Variants in PTPRD observed in about 807,000 individuals in gnomAD.
The protein encoded by PTPRD is protein tyrosine phosphatase receptor type D, also known as receptor-type tyrosine-protein phosphatase delta.
Under a neutral mutation model 214.5 loss-of-function variants are expected in PTPRD, and 34 were observed. The observed-to-expected ratio is 0.16, with a 90% confidence interval of 0.12 to 0.21. The LOEUF (loss-of-function observed/expected upper bound fraction) is 0.21, where lower values mean the gene tolerates loss of function less well. PTPRD is among the 10% of genes least tolerant of loss of function. The pLI is 1.00. For synonymous variants in PTPRD, 1,128 were observed against 845.7 expected (o/e 1.33, Z -5.79); for missense variants, 2,545 against 2,398.7 (o/e 1.06, Z -1.27).
chr9:8,638,122 A>C (rs201943765), intron 12 of PTPRD, among the ~76,000 whole-genome samples: 1 of 109,224 alleles, frequency 9.2e-6, no homozygotes, highest in Non-Finnish European at 1.8e-5. Context: ...TTTTTTTTTT[A>C]ATTTCTAATC....
intron 10 of PTPRD, among the ~76,000 whole-genome samples, chr9:9,086,782 T>C (rs2099767664): frequency 6.6e-6 from 1 of 152,088 alleles, no homozygotes; most frequent in South Asian, 2.1e-4. Context: ...TTTTTTAAAA[T>C]GTGAACAAAG....
At chr9:8,359,064 C>T (rs7862051) in intron 39 of PTPRD, among the ~76,000 whole-genome samples, 5,991 of 120,622 alleles carry the variant, frequency 0.05, 553 homozygotes, top group African/African-American at 0.18. Context: ...GCCGAGATTG[C>T]ACCACTGCAC....
In PTPRD at chr9:8,317,662, C is replaced by T. The variant is rs1182452571; in HGVS notation, c.*212G>A. 1 of 411,846 alleles carries T rather than the reference C, an allele frequency of 2.4e-6. No homozygotes were observed. Among genetic ancestry groups the T allele is most frequent in the East Asian group, 3.4e-5 (1 of 29,646 alleles). 25.5% of individuals were successfully genotyped at this position (411,846 alleles called of 1,614,324 possible). A position where few individuals can be genotyped will look rare whatever the true frequency, so the allele number is the denominator to read the frequency against. On this transcript the variant is annotated 3_prime_UTR_variant, in exon 46 of 46. Transcript: ENST00000381196. ...TTCAGATGCCTCATCAGTCAGGATTCTCTTCATTATTTTTCAGGTTAGATT... is the reference window on the plus strand; with the variant it reads ...TTCAGATGCCTCATCAGTCAGGATTTTCTTCATTATTTTTCAGGTTAGATT...
intron 9 of PTPRD, among the ~76,000 whole-genome samples, chr9:9,281,504 A>G (rs1947685722): frequency 6.6e-6 from 1 of 151,410 alleles, no homozygotes; most frequent in Non-Finnish European, 1.5e-5. Context: ...ATCTTTTAAC[A>G]TCATAGGTCC....
intron 14 of PTPRD, among the ~76,000 whole-genome samples, chr9:8,538,179 G>A (rs1286088681): frequency 6.6e-6 from 1 of 151,752 alleles, no homozygotes; most frequent in Non-Finnish European, 1.5e-5. Flanking sequence ...CAACAAGCAG[G>A]TGTCATTATA....
rs574084104 is a variant in PTPRD, at chr9:10,079,928, C to G, written c.-544-46138G>C. On this transcript the variant is annotated intron_variant, in intron 3 of 45. Transcript: ENST00000381196. Reference sequence around the variant, plus strand: ...TTCAGAGTATCCAAGGTAATTAAATCTTGCTTTTTTTTTTTTTTTTCCAGC... The same window carrying G: ...TTCAGAGTATCCAAGGTAATTAAATGTTGCTTTTTTTTTTTTTTTTCCAGC... Among the ~76,000 whole-genome samples the G allele has an allele frequency of 6.0e-4, 86 of 142,178 alleles. No individual in the cohort carries two copies. The South Asian group carries it at 0.018, about 30-fold the overall frequency. The allele number at this position is 142,178 out of a possible 152,430, so 93.3% of individuals were successfully genotyped here.
At chr9:8,758,876 G>A (rs978992167) in intron 11 of PTPRD, among the ~76,000 whole-genome samples, 4 of 151,832 alleles carry the variant, frequency 2.6e-5, no homozygotes, top group Non-Finnish European at 4.4e-5. Context: ...TAATAGAGAC[G>A]GGGTTTCACC....
At chr9:9,892,343 C>T (rs1429598206) in intron 5 of PTPRD, among the ~76,000 whole-genome samples, 1 of 152,074 alleles carries the variant, frequency 6.6e-6, no homozygotes, top group Non-Finnish European at 1.5e-5. Flanking sequence ...AGAAGAAGAG[C>T]AATCCATGCC....
chr9:9,239,149 G>T (rs1395486457), intron 9 of PTPRD, among the ~76,000 whole-genome samples: 3 of 148,350 alleles, frequency 2.0e-5, no homozygotes, highest in Non-Finnish European at 3.0e-5. Flanking sequence ...ATCTTCACTA[G>T]AACTATAGAT....
intron 4 of PTPRD, among the ~76,000 whole-genome samples, chr9:9,972,350 T>C (rs553349163): frequency 1.3e-5 from 2 of 152,304 alleles, no homozygotes; most frequent in African/African-American, 4.8e-5. Context: ...AAATTATTAG[T>C]AGACTTAGAG....
intron 9 of PTPRD, among the ~76,000 whole-genome samples, chr9:9,394,189 T>C (rs1188760875): frequency 6.6e-6 from 1 of 152,180 alleles, no homozygotes; most frequent in Non-Finnish European, 1.5e-5. Flanking sequence ...TTTGACAAAA[T>C]CATTCAGAAA....
chr9:8,602,863 T>A (rs560548075), intron 14 of PTPRD, among the ~76,000 whole-genome samples: 1 of 152,212 alleles, frequency 6.6e-6, no homozygotes, highest in East Asian at 1.9e-4. Context: ...TCCATCTCCA[T>A]CTCTATGCAC....
intron 2 of PTPRD, among the ~76,000 whole-genome samples, chr9:10,535,425 G>A (rs1001382841): frequency 2.6e-5 from 4 of 151,908 alleles, no homozygotes; most frequent in Admixed American, 6.6e-5. Context: ...TCTACTTACC[G>A]TCGTGAGCTG....
At chr9:8,635,006 C>G (rs552149436) in intron 13 of PTPRD, among the ~76,000 whole-genome samples, 83 of 149,816 alleles carry the variant, frequency 5.5e-4, no homozygotes, top group African/African-American at 2.0e-3. Context: ...GTACTGCTCT[C>G]AGGGACCATA....
At chr9:8,824,575 A>G (rs1279756102) in intron 11 of PTPRD, among the ~76,000 whole-genome samples, 8 of 145,690 alleles carry the variant, frequency 5.5e-5, no homozygotes, top group Non-Finnish European at 1.0e-4. Context: ...TAACAGTAAT[A>G]TATTTCACAA....
chr9:8,445,833 A>G (rs2095704457), intron 34 of PTPRD, among the ~76,000 whole-genome samples: 1 of 152,164 alleles, frequency 6.6e-6, no homozygotes, highest in Non-Finnish European at 1.5e-5. Context: ...ACTCATCTTA[A>G]TGCTAAAAAA....
intron 8 of PTPRD, among the ~76,000 whole-genome samples, chr9:9,432,342 T>A (rs1440884828): frequency 6.6e-6 from 1 of 152,038 alleles, no homozygotes; most frequent in Non-Finnish European, 1.5e-5. Context: ...CCACTTTCCT[T>A]TAAGGTTAAA....
intron 3 of PTPRD, among the ~76,000 whole-genome samples, chr9:10,074,208 C>T (rs74963165): frequency 0.013 from 1,946 of 152,208 alleles, 38 homozygotes; most frequent in African/African-American, 0.042. Context: ...CATTGGCCTG[C>T]TTATGTGCCA....
At chr9:9,902,313 G>A (rs939055192) in intron 5 of PTPRD, among the ~76,000 whole-genome samples, 2 of 151,986 alleles carry the variant, frequency 1.3e-5, no homozygotes, top group Admixed American at 6.6e-5. Context: ...AATAATTTTT[G>A]CAACATCGTG....
Sources: allele counts gnomAD v4.1 joint callset (sites outside exome capture counted in the v4.1 genomes callset), GRCh38; gene constraint gnomAD v4.1.1; transcripts MANE v1.5; gene names NCBI Gene and HGNC (gene_info 2026-07-23, HGNC 2026-07-21).